Variants in ZNF385D observed in about 807,000 individuals in gnomAD.
The protein encoded by ZNF385D is zinc finger protein 385D, also known as zinc finger protein 659.
In ZNF385D, 15 loss-of-function variants were observed where a neutral mutation model predicts 35.8. The ratio of observed to expected loss-of-function variants is 0.42; its 90% CI spans 0.28 to 0.64. The LOEUF (loss-of-function observed/expected upper bound fraction) is 0.64. Among genes scored for constraint, ZNF385D ranks in the 30% least tolerant of loss-of-function variants. The probability of loss-of-function intolerance (pLI) is 0.23; values close to 1 mark genes in which losing one functional copy is unlikely to be tolerated. For synonymous variants in ZNF385D, 212 were observed against 186.8 expected (o/e 1.13, Z -1.10); for missense variants, 474 against 494.6 (o/e 0.96, Z 0.39).
At chr3:22,037,601 G>T (rs1194496703) in intron 3 of ZNF385D, among the ~76,000 whole-genome samples, 5 of 152,090 alleles carry the variant, frequency 3.3e-5, no homozygotes, top group African/African-American at 4.8e-5. Context: ...GTAGATTCTG[G>T]ATATTAGCCC....
chr3:21,972,168 T>G (rs943491855), intron 3 of ZNF385D, among the ~76,000 whole-genome samples: 1 of 152,010 alleles, frequency 6.6e-6, no homozygotes, highest in Non-Finnish European at 1.5e-5. Flanking sequence ...TTTCTCAGCA[T>G]ATGAATCATT....
chr3:21,617,657 T>C (rs1310076633), intron 2 of ZNF385D, among the ~76,000 whole-genome samples: 1 of 152,198 alleles, frequency 6.6e-6, no homozygotes, highest in Non-Finnish European at 1.5e-5. Flanking sequence ...CGGATTCAGT[T>C]CAGGAATAAA....
intron 3 of ZNF385D, among the ~76,000 whole-genome samples, chr3:22,059,063 G>T (rs1227458632): frequency 6.6e-6 from 1 of 152,184 alleles, no homozygotes; most frequent in South Asian, 2.1e-4. Context: ...CATTGTTTGG[G>T]GCGGCCAAGC....
intron 2 of ZNF385D, among the ~76,000 whole-genome samples, chr3:21,596,879 A>G (rs2064143145): frequency 6.6e-6 from 1 of 152,098 alleles, no homozygotes; most frequent in Non-Finnish European, 1.5e-5. Flanking sequence ...GTCAAAGTTA[A>G]TGGTGGAGAG....
chr3:21,887,831 A>C (rs1370273630), intron 3 of ZNF385D, among the ~76,000 whole-genome samples: 4 of 152,140 alleles, frequency 2.6e-5, no homozygotes, highest in African/African-American at 4.8e-5. Context: ...TCAGGAATTG[A>C]AAAGAAAAAA....
Position 22,306,808 on chromosome 3 carries a change from G to A in ZNF385D, c.106+65642C>T, listed in dbSNP as rs186176784. The stretch of plus-strand genomic sequence containing the variant: ...GCTAGGCTTACTGGATTTGTACAAA[G>A]GAGAGGTTTAGATATAAAGATAATG... On this transcript the variant is annotated intron_variant, in intron 2 of 5. Coordinates refer to the ZNF385D transcript ENST00000494108. Among the ~76,000 whole-genome samples, 617 of 152,246 alleles carry A rather than the reference G, an allele frequency of 4.1e-3. 10 individuals carry two copies. The South Asian group carries it at 0.05, about 12-fold the overall frequency.
chr3:21,425,725 G>A, intron 5 of ZNF385D, 55 bp from the exon 6 acceptor site: 5 of 1,470,416 alleles, frequency 3.4e-6, no homozygotes, highest in Non-Finnish European at 4.5e-6. Flanking sequence ...AAGGGAGGGA[G>A]AGAAGGAGGT....
rs540697401 is a variant in ZNF385D, at chr3:22,094,953, T to A, written c.325+73864A>T. ...CATGGTCTCACTCTGTTACCCAAGG[T>A]GGAGTATAGTGGCTCATGATCATAG... On this transcript the variant is annotated intron_variant, in intron 3 of 5. Coordinates refer to the ZNF385D transcript ENST00000494108. 9.9e-5 allele frequency among the ~76,000 whole-genome samples: 15 copies of A among 152,152 alleles called. No homozygotes were observed. The East Asian group carries it at 2.9e-3, about 30-fold the overall frequency.
intron 2 of ZNF385D, among the ~76,000 whole-genome samples, chr3:21,576,141 TTC>T (rs923061437): frequency 2.0e-5 from 3 of 151,994 alleles, no homozygotes; most frequent in Admixed American, 2.0e-4. Context: ...GTTTATCCGG[TTC>T]TCTCATCTAT....
intron 3 of ZNF385D, among the ~76,000 whole-genome samples, chr3:21,549,190 T>A (rs768405693): frequency 1.3e-5 from 2 of 152,202 alleles, no homozygotes; most frequent in Non-Finnish European, 2.9e-5. Context: ...TAATAAAGAT[T>A]TCTCCTTTCT....
chr3:21,722,171 G>T (rs1044056272), intron 1 of ZNF385D, among the ~76,000 whole-genome samples: 1 of 151,984 alleles, frequency 6.6e-6, no homozygotes, highest in Admixed American at 6.6e-5. Flanking sequence ...TCCCAAAGGG[G>T]ACAAGTAAAG....
intron 2 of ZNF385D, among the ~76,000 whole-genome samples, chr3:21,570,397 CTG>C (rs2063300225): frequency 6.6e-6 from 1 of 152,156 alleles, no homozygotes. Flanking sequence ...TTCTCTAGGA[CTG>C]TTGTATTTTC....
intron 2 of ZNF385D, among the ~76,000 whole-genome samples, chr3:22,314,287 A>C (rs2125434010): frequency 6.6e-6 from 1 of 151,920 alleles, no homozygotes; most frequent in South Asian, 2.1e-4. Context: ...CCCTTTCCCC[A>C]CTGAGTCCCC....
At chr3:22,126,536 C>A (rs112751000) in intron 3 of ZNF385D, among the ~76,000 whole-genome samples, 1 of 151,778 alleles carries the variant, frequency 6.6e-6, no homozygotes, top group African/African-American at 2.4e-5. Context: ...CCATTGTGGT[C>A]GAGAAGATAT....
chr3:21,685,312 A>C (rs1407007620), intron 1 of ZNF385D, among the ~76,000 whole-genome samples: 1 of 152,212 alleles, frequency 6.6e-6, no homozygotes, highest in East Asian at 1.9e-4. Context: ...CCTTGGTGAC[A>C]AGAATTCAAC....
Position 22,010,153 on chromosome 3 carries a change from T to C in ZNF385D, c.325+158664A>G, listed in dbSNP as rs146371635. Among the ~76,000 whole-genome samples, 33 of 152,212 alleles carry C rather than the reference T, an allele frequency of 2.2e-4. No homozygotes were observed. In the East Asian group the frequency reaches 5.6e-3, roughly 26 times the overall value. On this transcript the variant is annotated intron_variant, in intron 3 of 5. Transcript: ENST00000494108. ...TCCAAGATGAGAAGATTTCATTTAA[T>C]AAAAATATGAAAAAAGTATATGTTT...
chr3:21,650,873 T>C (rs1212299244), intron 2 of ZNF385D, among the ~76,000 whole-genome samples: 1 of 152,078 alleles, frequency 6.6e-6, no homozygotes, highest in Non-Finnish European at 1.5e-5. Context: ...TGATGGGAAG[T>C]TTTTTGCTGT....
At chr3:21,580,107 C>T (rs1325029468) in intron 2 of ZNF385D, 1 of 152,068 alleles carries the variant, frequency 6.6e-6, no homozygotes, top group Admixed American at 6.6e-5. Context: ...CTAGGATATC[C>T]TGGTTAATGA....
intron 2 of ZNF385D, among the ~76,000 whole-genome samples, chr3:22,303,639 T>C (rs987852445): frequency 6.6e-6 from 1 of 152,192 alleles, no homozygotes; most frequent in Non-Finnish European, 1.5e-5. Context: ...CATATTGCTA[T>C]AATTAAAATC....
Sources: allele counts gnomAD v4.1 joint callset (sites outside exome capture counted in the v4.1 genomes callset), GRCh38; gene constraint gnomAD v4.1.1; transcripts MANE v1.5; gene names NCBI Gene and HGNC (gene_info 2026-07-23, HGNC 2026-07-21).